Variants in PREX2 observed in about 807,000 individuals in gnomAD.
The protein encoded by PREX2 is phosphatidylinositol 3,4,5-trisphosphate-dependent Rac exchanger 2 protein.
Under a neutral mutation model 203.2 loss-of-function variants are expected in PREX2, and 107 were observed. The ratio of observed to expected loss-of-function variants is 0.53; its 90% CI spans 0.45 to 0.62. The LOEUF is 0.62. Among genes scored for constraint, PREX2 ranks in the 20% least tolerant of loss-of-function variants. PREX2 has a pLI of 0.00. For missense variants in PREX2, 1,777 were observed against 1,955.9 expected (o/e 0.91, Z 1.72); for synonymous variants, 672 against 663.6 (o/e 1.01, Z -0.19).
rs553925227 is a variant in PREX2, at chr8:68,028,077, A to G, written c.543+754A>G. ...TGAACTCTGAGTTTAAATCCCAAGT[A>G]TTGTGCTTACAGGGCATGTAATCGA... On this transcript the variant is annotated intron_variant, in intron 5 of 39. Transcript: ENST00000288368. Among the ~76,000 whole-genome samples, 6 of 152,112 alleles carry G rather than the reference A, an allele frequency of 3.9e-5. No individual in the cohort carries two copies. The South Asian group carries it at 1.2e-3, about 32-fold the overall frequency.
At chr8:68,099,502 A>G (rs1292862157) in intron 22 of PREX2, among the ~76,000 whole-genome samples, 180 bp from the exon 23 acceptor site, 1 of 152,224 alleles carries the variant, frequency 6.6e-6, no homozygotes, top group Non-Finnish European at 1.5e-5. Context: ...GACTGAAGGT[A>G]GAAATTCCCT....
In PREX2 at chr8:68,196,728, C is replaced by G. The variant is rs1373225339; in HGVS notation, c.4604+4203C>G. ...TCTTTAAAGATGTATGGCACCTCCC[C>G]CCCCCAACTCTCTCTTCCTCCTGCT... On this transcript the variant is annotated intron_variant, in intron 37 of 39. Transcript: ENST00000288368. 3.3e-5 allele frequency among the ~76,000 whole-genome samples: 5 copies of G among 151,150 alleles called. No homozygotes were observed. The South Asian group carries it at 8.4e-4, about 25-fold the overall frequency.
chr8:68,099,799 G>A lies in PREX2; in HGVS notation c.2671G>A (p.Glu891Lys). The change falls in exon 23 of 40, where the codon GAA becomes AAA. Residue 891 changes from glutamate to lysine, a missense_variant. By Grantham distance (56) the Glu-to-Lys change is moderately conservative (BLOSUM62 1). Transcript: ENST00000288368. ...LQSKFSALCSERIEHLCQRIS... is the reference protein window; with the variant it reads ...LQSKFSALCSKRIEHLCQRIS... ...GAGTAAATTCAGTGCCCTTTGCAGTGAAAGAATTGAACACCTATGTCAGAG... is the reference window on the plus strand; with the variant it reads ...GAGTAAATTCAGTGCCCTTTGCAGTAAAAGAATTGAACACCTATGTCAGAG... The A allele has an allele frequency of 6.2e-7, 1 of 1,613,176 alleles. No homozygotes were observed. Among genetic ancestry groups the A allele is most frequent in the Non-Finnish European group, 8.5e-7 (1 of 1,179,244 alleles).
At chr8:68,090,821 T>C in intron 20 of PREX2, 106 bp downstream of exon 20, 3 of 833,740 alleles carry the variant, frequency 3.6e-6, no homozygotes, top group Non-Finnish European at 5.4e-6. Flanking sequence ...CAATTTTAAG[T>C]TTAAAATTAA....
At chr8:67,975,098 G>C (rs1035822027) in intron 1 of PREX2, among the ~76,000 whole-genome samples, 2 of 152,026 alleles carry the variant, frequency 1.3e-5, no homozygotes, top group Non-Finnish European at 2.9e-5. Flanking sequence ...TAAGAAACTA[G>C]TTTTCCCAAT....
At chr8:68,173,622 A>C (rs563693095) in intron 35 of PREX2, among the ~76,000 whole-genome samples, 25 of 152,278 alleles carry the variant, frequency 1.6e-4, no homozygotes, top group African/African-American at 5.8e-4. Flanking sequence ...AGAAATTTTT[A>C]ATGCAATTTT....
intron 1 of PREX2, among the ~76,000 whole-genome samples, chr8:68,014,462 A>G (rs567030383): frequency 4.6e-5 from 7 of 152,186 alleles, no homozygotes; most frequent in African/African-American, 1.7e-4. Flanking sequence ...GGGGCGGCAT[A>G]TGTGAGAGCC....
At chr8:68,072,959 T>C (rs1809243140) in intron 14 of PREX2, among the ~76,000 whole-genome samples, 1 of 152,106 alleles carries the variant, frequency 6.6e-6, no homozygotes, top group East Asian at 1.9e-4. Context: ...TTTTCCCTTT[T>C]AGAAAATAAT....
intron 37 of PREX2, among the ~76,000 whole-genome samples, chr8:68,195,415 A>G (rs1277758083): frequency 1.3e-4 from 20 of 152,264 alleles, no homozygotes; most frequent in Non-Finnish European, 1.5e-5. Flanking sequence ...TTTAAGGTCA[A>G]AACTATTTGA....
intron 1 of PREX2, among the ~76,000 whole-genome samples, chr8:67,956,633 C>T (rs1805500199): frequency 6.6e-6 from 1 of 152,170 alleles, no homozygotes; most frequent in Non-Finnish European, 1.5e-5. Context: ...GGCCATTTAA[C>T]TGTGGGTCAG....
rs536568896 is a variant in PREX2, at chr8:68,110,323, A to C, written c.3146+700A>C. On this transcript the variant is annotated intron_variant, in intron 25 of 39. Coordinates refer to ENST00000288368, the MANE Select transcript of PREX2 (RefSeq NM_024870.4). ...CTAGTCCAGACAGCTCTGTATAGTCAGAACAGCATGGGGTTTGAGGTAGCT... is the reference window on the plus strand; with the variant it reads ...CTAGTCCAGACAGCTCTGTATAGTCCGAACAGCATGGGGTTTGAGGTAGCT... Among the ~76,000 whole-genome samples, 64 of 152,342 alleles carry C rather than the reference A, an allele frequency of 4.2e-4. 1 individual carries two copies. The highest frequency in any genetic ancestry group is 1.3e-3 in the African/African-American group (55 of 41,580).
At chr8:68,131,901 T>G (rs1811018137) in intron 31 of PREX2, among the ~76,000 whole-genome samples, 1 of 152,198 alleles carries the variant, frequency 6.6e-6, no homozygotes, top group Admixed American at 6.5e-5. Context: ...GTGGGAGTAT[T>G]TCTGCCAAAT....
chr8:68,055,694 C>T, intron 9 of PREX2, 136 bp from the exon 10 acceptor site: 1 of 769,550 alleles, frequency 1.3e-6, no homozygotes, highest in South Asian at 1.8e-5. Context: ...CACCAGGGCA[C>T]TATTATACAG....
At chr8:68,046,970 A>G (rs1808370736) in intron 8 of PREX2, among the ~76,000 whole-genome samples, 1 of 152,000 alleles carries the variant, frequency 6.6e-6, no homozygotes, top group Non-Finnish European at 1.5e-5. Context: ...AGCATTTCAG[A>G]TGATCGAAAT....
chr8:68,233,190 T>C lies in PREX2; in HGVS notation c.*1812T>C, dbSNP rs1813200598. On this transcript the variant is annotated 3_prime_UTR_variant, in exon 40 of 40. Transcript: ENST00000288368. Reference sequence around the variant, plus strand: ...ATTTTGAATTTAATAAAGATATCTTTACAAAAATAACCTTCAAGGATTTAA... The same window carrying C: ...ATTTTGAATTTAATAAAGATATCTTCACAAAAATAACCTTCAAGGATTTAA... 1 of 152,202 alleles carries C rather than the reference T, an allele frequency of 6.6e-6. No homozygotes were observed. 9.4% of individuals were successfully genotyped at this position (152,202 alleles called of 1,614,324 possible). A position where few individuals can be genotyped will look rare whatever the true frequency, so the allele number is the denominator to read the frequency against.
At chr8:67,965,169 G>A (rs1052610402) in intron 1 of PREX2, among the ~76,000 whole-genome samples, 1 of 152,182 alleles carries the variant, frequency 6.6e-6, no homozygotes, top group East Asian at 1.9e-4. Flanking sequence ...AAGCACTCAG[G>A]AGCCAAAGAT....
At chr8:68,201,900 ATTT>A (rs869153263) in intron 37 of PREX2, among the ~76,000 whole-genome samples, 9,859 of 97,450 alleles carry the variant, frequency 0.1, 366 homozygotes, top group East Asian at 0.29. Context: ...GGTAACACCT[ATTT>A]TTTTTTTTTT....
At chr8:68,205,497 C>A (rs1395600365) in intron 37 of PREX2, among the ~76,000 whole-genome samples, 1 of 152,120 alleles carries the variant, frequency 6.6e-6, no homozygotes, top group Non-Finnish European at 1.5e-5. Flanking sequence ...GCAGGCTTTT[C>A]CGTATTTATT....
intron 39 of PREX2, among the ~76,000 whole-genome samples, chr8:68,225,530 C>T (rs142451150): frequency 6.4e-4 from 98 of 152,274 alleles, no homozygotes; most frequent in African/African-American, 1.9e-3. Flanking sequence ...ACAGACAAAA[C>T]ACTATTTCTC....
Sources: allele counts gnomAD v4.1 joint callset (sites outside exome capture counted in the v4.1 genomes callset), GRCh38; gene constraint gnomAD v4.1.1; transcripts MANE v1.5; gene names NCBI Gene and HGNC (gene_info 2026-07-23, HGNC 2026-07-21).